IL17RC: variants seen among roughly 807,000 people sequenced by gnomAD.
IL17RC encodes the protein interleukin-17 receptor C.
IL17RC carries 53 observed loss-of-function variants against 86.7 expected under a neutral mutation model. The ratio of observed to expected loss-of-function variants is 0.61; its 90% CI spans 0.49 to 0.77. The LOEUF (loss-of-function observed/expected upper bound fraction) is 0.77, where lower values mean the gene tolerates loss of function less well. Ranked by LOEUF, IL17RC falls within the 30% of genes least tolerant of loss-of-function variation. The pLI, the probability that IL17RC is intolerant of heterozygous loss-of-function variation, is 0.00. For missense variants in IL17RC, 957 were observed against 940.0 expected, an observed-to-expected ratio of 1.02 and a Z score of -0.24; for synonymous variants, 439 against 413.1, an observed-to-expected ratio of 1.06 and a Z score of -0.76.
At position 9,933,357 on chromosome 3, in the gene IL17RC, G is replaced by A. The variant is rs1460033593; in HGVS notation, c.1927G>A (p.Val643Ile). 6.2e-7 allele frequency: 1 copy of A among 1,611,558 alleles called. No individual in the cohort carries two copies. ...CGACAGGCTGCTCCACCCGGACGCC[G>A]TACCCGCCCTTTTCCGCACCGTGCC... ...CFDRLLHPDA[V>I]PALFRTVPVF... The change falls in exon 19 of 19, where the codon GTA (valine) becomes ATA (isoleucine). Residue 643 changes from valine to isoleucine, a missense_variant. Val to Ile is a conservative substitution (Grantham distance 29). Coordinates refer to ENST00000403601, the MANE Select transcript of IL17RC (RefSeq NM_153460.4).
chr3:9,933,384 G>A lies in IL17RC; in HGVS notation c.1954G>A (p.Val652Ile), dbSNP rs1350866938. 1.2e-6 allele frequency: 2 copies of A among 1,613,028 alleles called. No homozygotes were observed. Among genetic ancestry groups the A allele is most frequent in the Admixed American group, 1.7e-5 (1 of 59,972 alleles). Residue 652 changes from valine (V) to isoleucine (I), a missense_variant, in exon 19 of 19, where the codon GTC becomes ATC. Physicochemically the swap from Val to Ile is conservative, Grantham distance 29 (BLOSUM62 3). Transcript: ENST00000403601. ...ACCCGCCCTTTTCCGCACCGTGCCC[G>A]TCTTCACACTGCCCTCCCAACTGCC... Reference protein sequence around the residue: ...AVPALFRTVPVFTLPSQLPDF... With the variant: ...AVPALFRTVPIFTLPSQLPDF...
In IL17RC at chr3:9,928,296, T is replaced by C. The variant is rs748554274; in HGVS notation, c.878-9T>C. ...CCTGGCCTGCGGTGACTGTGCCCTT[T>C]CCTTGCAGACCCCCGCGCACACCAG... On this transcript the variant is annotated splice_polypyrimidine_tract_variant and intron_variant, in intron 10 of 18. Transcript: ENST00000403601. 6.2e-6 allele frequency: 10 copies of C among 1,610,730 alleles called. No individual in the cohort carries two copies. The East Asian group carries it at 1.3e-4, about 22-fold the overall frequency.
intron 16 of IL17RC, among the ~76,000 whole-genome samples, chr3:9,931,470 C>CACAT (rs750351615): frequency 2.1e-4 from 9 of 43,738 alleles, no homozygotes; most frequent in African/African-American, 3.5e-4. Context: ...CACACACACA[C>CACAT]ATATATATAT....
At position 9,933,202 on chromosome 3, in the gene IL17RC, A is replaced by C. The variant is rs772294019; in HGVS notation, c.1772A>C (p.Glu591Ala). ...CCCGGTGCGGTGGCGCTGTGCAGCG[A>C]GTGGCTACAGGATGGGGTGTCCGGG... Reference protein sequence around the residue: ...FSPGAVALCSEWLQDGVSGPG... With the variant: ...FSPGAVALCSAWLQDGVSGPG... The change falls in exon 19 of 19, where the codon GAG (glutamate) becomes GCG (alanine). Residue 591 changes from glutamate (E) to alanine (A), a missense_variant. Physicochemically the swap from Glu to Ala is moderately radical, Grantham distance 107. Coordinates refer to ENST00000403601, the MANE Select transcript of IL17RC (RefSeq NM_153460.4). The C allele has an allele frequency of 6.2e-7, 1 of 1,608,284 alleles. No homozygotes were observed. The highest frequency in any genetic ancestry group is 8.5e-7 in the Non-Finnish European group (1 of 1,178,030).
At chr3:9,922,004 C>T (rs1336685314) in intron 7 of IL17RC, among the ~76,000 whole-genome samples, 1 of 131,698 alleles carries the variant, frequency 7.6e-6, no homozygotes, top group Non-Finnish European at 1.6e-5. Context: ...CTAGGCTGGA[C>T]TGCAGTGGTG....
chr3:9,925,791 A>C (rs1055897726), intron 9 of IL17RC, among the ~76,000 whole-genome samples: 2 of 151,480 alleles, frequency 1.3e-5, no homozygotes, highest in Non-Finnish European at 2.9e-5. Context: ...GGCCTCTCCT[A>C]GCTCCAAATC....
chr3:9,929,423 C>T (rs572717700), intron 12 of IL17RC: 16 of 201,468 alleles, frequency 7.9e-5, no homozygotes, highest in Admixed American at 2.7e-4. Flanking sequence ...TCTCTACCCT[C>T]ATAGAACTTA....
At position 9,918,166 on chromosome 3, in the gene IL17RC, G is replaced by A. The variant is rs938803121; in HGVS notation, c.280+91G>A. ...CAGGGGATCTCTCAAGCAGTGCTAGGCATCCTCAGTGTTCTCCTGGAGGAC... is the reference window on the plus strand; with the variant it reads ...CAGGGGATCTCTCAAGCAGTGCTAGACATCCTCAGTGTTCTCCTGGAGGAC... On this transcript the variant is annotated intron_variant, in intron 3 of 18. Transcript: ENST00000403601. 5.6e-6 allele frequency: 8 copies of A among 1,425,496 alleles called. No individual in the cohort carries two copies. In the Middle Eastern group the frequency reaches 5.3e-4, roughly 94 times the overall value. 88.3% of individuals were successfully genotyped at this position (1,425,496 alleles called of 1,614,324 possible).
At position 9,918,601 on chromosome 3, in the gene IL17RC, C is replaced by G; in HGVS notation, c.457C>G (p.Gln153Glu). ...QVPAALVQFGQSVGSVVYDCF... is the reference protein window; with the variant it reads ...QVPAALVQFGESVGSVVYDCF... ...GCCTGCTGCCCTTGTGCAGTTTGGT[C>G]AGTCTGTGGTATGCAAAATAATAAT... The change falls in exon 5 of 19, where the codon CAG becomes GAG. Residue 153 changes from glutamine (Q) to glutamate (E), a missense_variant. Physicochemically the swap from Gln to Glu is conservative, Grantham distance 29 (BLOSUM62 2). Coordinates refer to ENST00000403601, the MANE Select transcript of IL17RC (RefSeq NM_153460.4). The G allele has an allele frequency of 6.2e-7, 1 of 1,610,106 alleles. No individual in the cohort carries two copies.
chr3:9,928,250 G>A lies in IL17RC; in HGVS notation c.877+30G>A, dbSNP rs1488350437. ...GCCGACCGGCCTGGGGCTGGGGTTGGGGTGTTGCGAGCGATGGGTACCTGG... is the reference window on the plus strand; with the variant it reads ...GCCGACCGGCCTGGGGCTGGGGTTGAGGTGTTGCGAGCGATGGGTACCTGG... On this transcript the variant is annotated intron_variant, in intron 10 of 18. Transcript: ENST00000403601. The A allele has an allele frequency of 6.4e-6, 4 of 622,684 alleles. No individual in the cohort carries two copies. The South Asian group carries it at 1.2e-4, about 19-fold the overall frequency. The allele number at this position is 622,684 out of a possible 1,614,324, so 38.6% of individuals were successfully genotyped here.
rs976940908 is a variant in IL17RC at position 9,917,113 on chromosome 3, C to T, written c.-203C>T. On this transcript the variant is annotated 5_prime_UTR_variant, in exon 1 of 19. Transcript: ENST00000403601. Reference sequence around the variant, plus strand: ...GCCGGGAGCCAAAACGAAAGCACTCCGTGCTGGAAGTAGGAGGAGAGTCAG... The same window carrying T: ...GCCGGGAGCCAAAACGAAAGCACTCTGTGCTGGAAGTAGGAGGAGAGTCAG... 6.2e-5 allele frequency: 36 copies of T among 579,494 alleles called. No homozygotes were observed. Among genetic ancestry groups the T allele is most frequent in the Middle Eastern group, 9.1e-4 (2 of 2,188 alleles). The allele number at this position is 579,494 out of a possible 1,614,324, so 35.9% of individuals were successfully genotyped here.
intron 16 of IL17RC, among the ~76,000 whole-genome samples, chr3:9,931,665 C>T (rs573281664): frequency 8.6e-5 from 13 of 151,712 alleles, no homozygotes; most frequent in Admixed American, 3.9e-4. Context: ...TGCCACCATG[C>T]CCTGCTAATT....
intron 4 of IL17RC, 30 bp downstream of exon 4, chr3:9,918,439 C>T (rs1030062024): frequency 1.2e-6 from 2 of 1,610,538 alleles, no homozygotes; most frequent in African/African-American, 1.3e-5. Context: ...CCCAACTGCC[C>T]CATGCCAAGG....
rs752855118 is a variant in IL17RC at position 9,928,357 on chromosome 3, C to G, written c.930C>G (p.Thr310=). ...AAGCCGCCCGACTGCAACTGCTGAC[C>G]CTGCAGAGCTGGCTGCTGGACGCAC... ...LWQAARLQLL[T]LQSWLLDAPC... is the part of the protein sequence containing the mutation. The change falls in exon 11 of 19, where the codon ACC becomes ACG. Residue 310 remains threonine (T), a synonymous_variant. Transcript: ENST00000403601. 11 of 1,604,996 alleles carry G rather than the reference C, an allele frequency of 6.9e-6. No individual in the cohort carries two copies. In the South Asian group the frequency reaches 7.7e-5, roughly 11 times the overall value.
chr3:9,933,615 C>G lies in IL17RC; in HGVS notation c.*22C>G. 6.5e-7 allele frequency: 1 copy of G among 1,548,724 alleles called. No homozygotes were observed. The highest frequency in any genetic ancestry group is 8.7e-7 in the Non-Finnish European group (1 of 1,150,978). On this transcript the variant is annotated 3_prime_UTR_variant, in exon 19 of 19. Transcript: ENST00000403601. Reference sequence around the variant, plus strand: ...TTAAATAAAGGCAGACGCTGTTTTTCTACCCATGTGGCCCACACGCGTCTC... The same window carrying G: ...TTAAATAAAGGCAGACGCTGTTTTTGTACCCATGTGGCCCACACGCGTCTC...
In IL17RC at chr3:9,918,560, T is replaced by C. The variant is rs2083296873; in HGVS notation, c.416T>C (p.Leu139Pro). ...GCCTACCCTACTGCCCGCTGCGTCC[T>C]GCTGGAGGTGCAAGTGCCTGCTGCC... Reference protein sequence around the residue: ...FQAYPTARCVLLEVQVPAALV... With the variant: ...FQAYPTARCVPLEVQVPAALV... Residue 139 changes from leucine (L) to proline (P), a missense_variant, in exon 5 of 19, where the codon CTG becomes CCG. Transcript: ENST00000403601. 6.2e-7 allele frequency: 1 copy of C among 1,614,198 alleles called. No homozygotes were observed. Among genetic ancestry groups the C allele is most frequent in the Non-Finnish European group, 8.5e-7 (1 of 1,180,028 alleles).
chr3:9,924,593 G>C (rs571165530), intron 9 of IL17RC, among the ~76,000 whole-genome samples: 2 of 152,150 alleles, frequency 1.3e-5, no homozygotes, highest in Non-Finnish European at 2.9e-5. Context: ...TTCCCCTGGC[G>C]GGCAGAGCAT....
At chr3:9,929,798 T>C in intron 12 of IL17RC, 54 bp from the exon 13 acceptor site, 13 of 1,607,502 alleles carry the variant, frequency 8.1e-6, no homozygotes, top group Non-Finnish European at 9.4e-6. Flanking sequence ...CTGGTCTTTC[T>C]GCCTTTGGCT....
At chr3:9,917,900 C>T (rs770536651) in intron 2 of IL17RC, 23 bp from the exon 3 acceptor site, 3 of 1,612,612 alleles carry the variant, frequency 1.9e-6, no homozygotes, top group Admixed American at 1.7e-5. Context: ...AGCTTCAGCT[C>T]CCACCCGCTC....
Sources: allele counts gnomAD v4.1 joint callset (sites outside exome capture counted in the v4.1 genomes callset), GRCh38; gene constraint gnomAD v4.1.1; transcripts MANE v1.5; gene names NCBI Gene and HGNC (gene_info 2026-07-23, HGNC 2026-07-21).